The following WWOX variants were observed in gnomAD, a reference collection of about 807,000 sequenced individuals.
The protein encoded by WWOX is WW domain containing oxidoreductase, also known as WW domain-containing oxidoreductase.
WWOX carries 69 observed loss-of-function variants against 46.2 expected under a neutral mutation model. The ratio of observed to expected loss-of-function variants is 1.49; its 90% CI spans 1.23 to 1.82. The LOEUF is 1.82. WWOX is among the 40% of genes most tolerant of loss of function. WWOX has a pLI of 0.00. For missense variants in WWOX, 919 were observed against 542.6 expected (o/e 1.69, Z -6.89); for synonymous variants, 359 against 202.6 (o/e 1.77, Z -6.56).
chr16:78,707,084 G>A (rs1490701074), intron 8 of WWOX, among the ~76,000 whole-genome samples: 1 of 152,090 alleles, frequency 6.6e-6, no homozygotes, highest in Non-Finnish European at 1.5e-5. Context: ...ACAAAGTGCT[G>A]GAATAATTGA....
chr16:78,401,846 T>A (rs7184098), intron 6 of WWOX, among the ~76,000 whole-genome samples: 10,322 of 152,042 alleles, frequency 0.068, 451 homozygotes, highest in South Asian at 0.17. Context: ...ATTACAGGTG[T>A]GCGCCACCAC....
intron 8 of WWOX, among the ~76,000 whole-genome samples, chr16:78,888,554 C>T (rs1330758853): frequency 1.3e-5 from 2 of 152,160 alleles, no homozygotes; most frequent in Admixed American, 6.5e-5. Context: ...AACTCAAAGA[C>T]GGCTTTTGTT....
At chr16:78,897,081 A>AG (rs1266102881) in intron 8 of WWOX, 4 of 127,870 alleles carry the variant, frequency 3.1e-5, no homozygotes, top group Non-Finnish European at 5.2e-5. Flanking sequence ...TACAAAAAAA[A>AG]GAAAAAAAAA....
intron 6 of WWOX, among the ~76,000 whole-genome samples, chr16:78,421,822 T>C (rs1476824997): frequency 5.9e-5 from 9 of 152,204 alleles, no homozygotes; most frequent in Non-Finnish European, 1.3e-4. Context: ...CCTCATGATA[T>C]TAACTGTGCA....
intron 8 of WWOX, among the ~76,000 whole-genome samples, chr16:78,504,593 C>T (rs1394947644): frequency 6.6e-6 from 1 of 152,158 alleles, no homozygotes. Flanking sequence ...ATGCCAGTGT[C>T]TTCGTAATAC....
At chr16:78,826,601 A>T (rs7206468) in intron 8 of WWOX, among the ~76,000 whole-genome samples, 32,955 of 152,110 alleles carry the variant, frequency 0.22, 3,635 homozygotes, top group Admixed American at 0.27. Flanking sequence ...TTCTGCTATG[A>T]AGACACTTGT....
At chr16:79,063,458 A>G (rs1208714282) in intron 8 of WWOX, among the ~76,000 whole-genome samples, 1 of 152,240 alleles carries the variant, frequency 6.6e-6, no homozygotes, top group Admixed American at 6.5e-5. Context: ...GGTCTCTGCT[A>G]TAGGAGGGAC....
intron 8 of WWOX, among the ~76,000 whole-genome samples, chr16:79,105,076 C>G (rs1168134428): frequency 6.6e-6 from 1 of 152,114 alleles, no homozygotes; most frequent in African/African-American, 2.4e-5. Flanking sequence ...ATATGACAGA[C>G]TGGAACCAGC....
chr16:79,117,078 C>G (rs907416090), intron 8 of WWOX, among the ~76,000 whole-genome samples: 1 of 152,018 alleles, frequency 6.6e-6, no homozygotes, highest in African/African-American at 2.4e-5. Flanking sequence ...TTGAGACAGC[C>G]TGGTCTGGAA....
chr16:78,942,841 C>T (rs183458498), intron 8 of WWOX, among the ~76,000 whole-genome samples: 18 of 152,180 alleles, frequency 1.2e-4, no homozygotes, highest in Non-Finnish European at 2.1e-4. Flanking sequence ...TTCCAAATCC[C>T]GTGGCTCAGG....
chr16:78,749,361 A>G (rs1374860703), intron 8 of WWOX, among the ~76,000 whole-genome samples: 1 of 152,192 alleles, frequency 6.6e-6, no homozygotes, highest in Non-Finnish European at 1.5e-5. Context: ...AAACAAAACA[A>G]TGTTTTAAAA....
intron 8 of WWOX, among the ~76,000 whole-genome samples, chr16:79,039,075 A>G (rs1462432291): frequency 6.6e-6 from 1 of 152,116 alleles, no homozygotes. Flanking sequence ...TTTAACATGG[A>G]TAAACTGAAC....
At chr16:78,874,094 A>G (rs1486809355) in intron 8 of WWOX, among the ~76,000 whole-genome samples, 1 of 143,316 alleles carries the variant, frequency 7.0e-6, no homozygotes, top group African/African-American at 2.5e-5. Flanking sequence ...TACTAAAATT[A>G]TTTAAAAAAA....
At chr16:79,076,867 C>T (rs2048667103) in intron 8 of WWOX, among the ~76,000 whole-genome samples, 1 of 152,200 alleles carries the variant, frequency 6.6e-6, no homozygotes, top group Non-Finnish European at 1.5e-5. Context: ...GTATCAGACG[C>T]TTGTCTTAGT....
rs559032759 is a variant in WWOX, at chr16:79,193,694, C to T, written c.1057-17914C>T. Among the ~76,000 whole-genome samples the T allele has an allele frequency of 2.0e-5, 3 of 152,298 alleles. No individual in the cohort carries two copies. The East Asian group carries it at 5.8e-4, about 29-fold the overall frequency. ...AGCCAGCAAAGACCCCAGGTGAGATCCCACTGGTTTGGAGGAAGGAGAGGA... is the reference window on the plus strand; with the variant it reads ...AGCCAGCAAAGACCCCAGGTGAGATTCCACTGGTTTGGAGGAAGGAGAGGA... On this transcript the variant is annotated intron_variant, in intron 8 of 8. Transcript: ENST00000566780.
chr16:78,392,565 T>TG (rs1375933933), intron 6 of WWOX, among the ~76,000 whole-genome samples: 1 of 152,108 alleles, frequency 6.6e-6, no homozygotes, highest in Non-Finnish European at 1.5e-5. Context: ...GAAAACCACT[T>TG]GCTGGTGCCA....
intron 4 of WWOX, among the ~76,000 whole-genome samples, chr16:78,139,840 TTTAG>T (rs1473219142): frequency 6.6e-6 from 1 of 152,136 alleles, no homozygotes; most frequent in Non-Finnish European, 1.5e-5. Context: ...AAATGTGTTT[TTTAG>T]TTAGTCATTA....
At chr16:78,253,834 A>G (rs1477288620) in intron 5 of WWOX, among the ~76,000 whole-genome samples, 2 of 152,160 alleles carry the variant, frequency 1.3e-5, no homozygotes, top group Non-Finnish European at 2.9e-5. Context: ...GTGACTTGGG[A>G]AAGAAAAATG....
intron 8 of WWOX, among the ~76,000 whole-genome samples, chr16:78,882,767 G>A (rs565032138): frequency 4.0e-5 from 6 of 151,644 alleles, no homozygotes; most frequent in Admixed American, 2.0e-4. Flanking sequence ...GGGATTACAG[G>A]CATGAGCCAC....
Sources: allele counts gnomAD v4.1 joint callset (sites outside exome capture counted in the v4.1 genomes callset), GRCh38; gene constraint gnomAD v4.1.1; transcripts MANE v1.5; gene names NCBI Gene and HGNC (gene_info 2026-07-23, HGNC 2026-07-21).